Variants in MLLT1 observed in about 807,000 individuals in gnomAD.
MLLT1 encodes the protein MLLT1 super elongation complex subunit.
Under a neutral mutation model 55.1 loss-of-function variants are expected in MLLT1, and 11 were observed. That is an observed-to-expected ratio of 0.20 (90% confidence interval 0.13 to 0.33). The LOEUF (loss-of-function observed/expected upper bound fraction) is 0.33, where lower values mean the gene tolerates loss of function less well. Ranked by LOEUF, MLLT1 falls within the 10% of genes least tolerant of loss-of-function variation. The pLI is 1.00. For synonymous variants in MLLT1, 323 were observed against 320.1 expected (o/e 1.01, Z -0.10); for missense variants, 536 against 760.6 (o/e 0.70, Z 3.47).
chr19:6,215,156 C>T (rs1015249598), intron 8 of MLLT1, among the ~76,000 whole-genome samples: 4 of 151,814 alleles, frequency 2.6e-5, no homozygotes, highest in Admixed American at 2.0e-4. Flanking sequence ...GGCCTGGGCG[C>T]TCCCTGCCCC....
chr19:6,264,882 G>A (rs1340286674), intron 2 of MLLT1, among the ~76,000 whole-genome samples: 6 of 98,942 alleles, frequency 6.1e-5, no homozygotes, highest in Admixed American at 1.5e-4. Flanking sequence ...GTGACTGAGC[G>A]AAACTCTGTT....
intron 5 of MLLT1, among the ~76,000 whole-genome samples, chr19:6,223,746 A>G (rs1326255879): frequency 6.6e-6 from 1 of 151,656 alleles, no homozygotes; most frequent in Non-Finnish European, 1.5e-5. Flanking sequence ...CACTGCCAGC[A>G]CTCCCCACGG....
Position 6,214,687 on chromosome 19 carries a change from TCA to T in MLLT1, c.1308-651_1308-650del, listed in dbSNP as rs574687341. Among the ~76,000 whole-genome samples, 482 of 152,262 alleles carry T rather than the reference TCA, an allele frequency of 3.2e-3. 1 individual carries two copies. Among genetic ancestry groups the T allele is most frequent in the African/African-American group, 0.011 (447 of 41,560 alleles). ...CACAGAGCCTGGGCCCATTTTTCTC[TCA>T]CTCTGCGTGCCTGGGGTCCCGCTCT... is the stretch of plus-strand genomic sequence containing the variant. On this transcript the variant is annotated intron_variant, in intron 8 of 11. Coordinates refer to ENST00000252674, the MANE Select transcript of MLLT1 (RefSeq NM_005934.4).
intron 2 of MLLT1, among the ~76,000 whole-genome samples, chr19:6,266,276 CAAAAA>C (rs35972478): frequency 1.4e-5 from 1 of 73,600 alleles, no homozygotes; most frequent in African/African-American, 4.9e-5. Flanking sequence ...ATTCTGTCTC[CAAAAA>C]AAAAAAAAAA....
At chr19:6,237,948 T>A (rs559774281) in intron 3 of MLLT1, among the ~76,000 whole-genome samples, 22 of 151,380 alleles carry the variant, frequency 1.5e-4, no homozygotes, top group East Asian at 5.9e-4. Flanking sequence ...ACAAAAAAAA[T>A]TTTTTTTAAT....
chr19:6,252,162 G>A (rs1305105969), intron 3 of MLLT1, among the ~76,000 whole-genome samples: 1 of 152,164 alleles, frequency 6.6e-6, no homozygotes, highest in Non-Finnish European at 1.5e-5. Flanking sequence ...GGGACAAAAA[G>A]TCAGGGAGGG....
rs1355318700 is a variant in MLLT1 at position 6,219,239 on chromosome 19, C to T, written c.1111-1198G>A. 2.0e-5 allele frequency among the ~76,000 whole-genome samples: 3 copies of T among 152,156 alleles called. No individual in the cohort carries two copies. Among genetic ancestry groups the T allele is most frequent in the Non-Finnish European group, 4.4e-5 (3 of 68,024 alleles). ...TTCCCAAGGGTTTACTGCAGCCCAA[C>T]CCAGCCCCCTCCTGCCCCTCAAACC... On this transcript the variant is annotated intron_variant, in intron 6 of 11. Coordinates refer to ENST00000252674, the MANE Select transcript of MLLT1 (RefSeq NM_005934.4). This position sits in a 1 kb window ranked among gnomAD's most constrained non-coding sequence, Gnocchi z 4.5.
chr19:6,228,480 A>C (rs986315588), intron 4 of MLLT1, among the ~76,000 whole-genome samples: 1 of 151,882 alleles, frequency 6.6e-6, no homozygotes, highest in South Asian at 2.1e-4. Context: ...GCGGAAACAC[A>C]GACCCTCAGC....
At chr19:6,259,816 A>AAAAAAAAAAAAAAC (rs1169497696) in intron 3 of MLLT1, 3 of 151,600 alleles carry the variant, frequency 2.0e-5, no homozygotes, top group Admixed American at 6.6e-5. Flanking sequence ...AAAAAAAAAA[A>AAAAAAAAAAAAAAC]AAAACAGAAA....
intron 9 of MLLT1, 36 bp from the exon 10 acceptor site, chr19:6,213,833 C>T: frequency 1.2e-6 from 2 of 1,606,958 alleles, no homozygotes; most frequent in South Asian, 2.2e-5. Flanking sequence ...AGCTGTGGCC[C>T]ACACCCTCCC....
At chr19:6,275,700 C>A (rs2091424248) in intron 1 of MLLT1, among the ~76,000 whole-genome samples, 1 of 152,188 alleles carries the variant, frequency 6.6e-6, no homozygotes. Context: ...CATCTGTCCT[C>A]GTCCCTCTGA....
chr19:6,216,410 G>A lies in MLLT1; in HGVS notation c.1302C>T (p.Asp434=). 6.2e-7 allele frequency: 1 copy of A among 1,604,882 alleles called. No homozygotes were observed. The highest frequency in any genetic ancestry group is 8.5e-7 in the Non-Finnish European group (1 of 1,176,676). The change falls in exon 8 of 12, where the codon GAC becomes GAT. Residue 434 remains aspartate, a synonymous_variant. Transcript: ENST00000252674. ...GGCTCCCACCGGGCCGTCACCTGGA[G>A]TCCCTCCCCGGGTTGGTCTTGCCGG... is the stretch of plus-strand genomic sequence containing the variant. ...EAAGKTNPGR[D]SRLSFSDSES...
chr19:6,221,537 G>GT (rs1426700388), intron 6 of MLLT1, among the ~76,000 whole-genome samples: 1 of 152,100 alleles, frequency 6.6e-6, no homozygotes, highest in East Asian at 1.9e-4. Context: ...GGGGCCAGAT[G>GT]TGAGTATCCC....
At chr19:6,268,934 G>C (rs568898641) in intron 2 of MLLT1, among the ~76,000 whole-genome samples, 3 of 152,206 alleles carry the variant, frequency 2.0e-5, no homozygotes, top group Non-Finnish European at 2.9e-5. Context: ...TGTCAACGTG[G>C]TGGGGAACAA....
At chr19:6,275,626 C>T (rs1205724804) in intron 1 of MLLT1, among the ~76,000 whole-genome samples, 1 of 152,164 alleles carries the variant, frequency 6.6e-6, no homozygotes, top group Admixed American at 6.5e-5. Context: ...TACACCGGGT[C>T]CTGGTCCCCT....
chr19:6,218,724 G>C (rs367583965), intron 6 of MLLT1, among the ~76,000 whole-genome samples: 1 of 152,242 alleles, frequency 6.6e-6, no homozygotes, highest in African/African-American at 2.4e-5. Flanking sequence ...GAGGGTGACA[G>C]TGCAGGGCAG....
chr19:6,248,730 G>C (rs1168572845), intron 3 of MLLT1, among the ~76,000 whole-genome samples: 1 of 152,146 alleles, frequency 6.6e-6, no homozygotes, highest in East Asian at 1.9e-4. Flanking sequence ...AACATGAATT[G>C]AAAACTGGGA....
intron 3 of MLLT1, among the ~76,000 whole-genome samples, chr19:6,241,925 C>T (rs972701200): frequency 4.6e-5 from 7 of 152,232 alleles, no homozygotes; most frequent in African/African-American, 1.4e-4. Flanking sequence ...ATCAACCGGC[C>T]GATTGTCCCT....
At position 6,213,684 on chromosome 19, in the gene MLLT1, C is replaced by T. The variant is rs773203436; in HGVS notation, c.1479+42G>A. ...CACTGGCTGCAACTCCCACCACCCA[C>T]CCCTCCGTAGCCTCCCCGCCTTGTC... On this transcript the variant is annotated intron_variant, in intron 10 of 11. Transcript: ENST00000252674. The T allele has an allele frequency of 4.9e-6, 6 of 1,228,378 alleles. No homozygotes were observed. The South Asian group carries it at 6.2e-5, about 13-fold the overall frequency. The allele number at this position is 1,228,378 out of a possible 1,614,324, so 76.1% of individuals were successfully genotyped here. A position where few individuals can be genotyped will look rare whatever the true frequency, so the allele number is the denominator to read the frequency against.
Sources: allele counts gnomAD v4.1 joint callset (sites outside exome capture counted in the v4.1 genomes callset), GRCh38; gene constraint gnomAD v4.1.1; non-coding constraint Gnocchi (gnomAD v3.1); transcripts MANE v1.5; gene names NCBI Gene and HGNC (gene_info 2026-07-23, HGNC 2026-07-21).